Variants in PCDH15 observed in about 807,000 individuals in gnomAD.
PCDH15 encodes protocadherin related 15.
A neutral mutation model predicts 178.5 loss-of-function variants in PCDH15; 129 were observed. The observed-to-expected ratio is 0.72, with a 90% CI of 0.63 to 0.84. PCDH15 has a LOEUF of 0.84. Ranked by LOEUF, PCDH15 falls within the 40% of genes least tolerant of loss-of-function variation. The pLI is 0.00. For missense variants in PCDH15, 2,230 were observed against 2,099.9 expected (o/e 1.06, Z -1.21); for synonymous variants, 800 against 732.0 (o/e 1.09, Z -1.50).
At chr10:54,097,649 T>A (rs1420800178) in intron 15 of PCDH15, among the ~76,000 whole-genome samples, 1 of 152,204 alleles carries the variant, frequency 6.6e-6, no homozygotes, top group Non-Finnish European at 1.5e-5. Context: ...TACTATTATA[T>A]CCTAGCATTT....
intron 1 of PCDH15, among the ~76,000 whole-genome samples, chr10:54,774,007 CTTTTTTTTTTTTTTTTTTTTTTTTTTTT>C (rs763704132): frequency 1.3e-5 from 1 of 75,378 alleles, no homozygotes; most frequent in African/African-American, 4.6e-5. Context: ...ACTTCATAGG[CTTTTTTTTTTTTTTTTTTTTTTTTTTTT>C]TTTTTTTTTT....
chr10:53,855,920 A>ATATATATGTGTG (rs1201156130), intron 28 of PCDH15, among the ~76,000 whole-genome samples: 1 of 140,414 alleles, frequency 7.1e-6, no homozygotes, highest in East Asian at 3.2e-4. Flanking sequence ...ATATATATAT[A>ATATATATGTGTG]TGTATGTGTG....
intron 2 of PCDH15, among the ~76,000 whole-genome samples, chr10:55,558,584 C>A (rs1170185537): frequency 6.6e-6 from 1 of 152,008 alleles, no homozygotes; most frequent in African/African-American, 2.4e-5. Context: ...ATGTATAATG[C>A]CTATGCATAC....
At chr10:54,779,005 G>A (rs1949992616) in intron 1 of PCDH15, among the ~76,000 whole-genome samples, 1 of 152,010 alleles carries the variant, frequency 6.6e-6, no homozygotes, top group South Asian at 2.1e-4. Context: ...GCTCGTGTGT[G>A]AAGGGATTTC....
At chr10:54,498,422 A>C (rs1303069965) in intron 3 of PCDH15, among the ~76,000 whole-genome samples, 1 of 152,170 alleles carries the variant, frequency 6.6e-6, no homozygotes, top group Non-Finnish European at 1.5e-5. Flanking sequence ...AACAGCTAAC[A>C]ACACTGTGAT....
intron 2 of PCDH15, among the ~76,000 whole-genome samples, chr10:55,027,988 C>A (rs1371704924): frequency 6.6e-6 from 1 of 150,808 alleles, no homozygotes; most frequent in African/African-American, 2.4e-5. Context: ...ATCTTACATG[C>A]AACCACAAAA....
intron 2 of PCDH15, among the ~76,000 whole-genome samples, chr10:55,608,757 A>G (rs906213776): frequency 6.6e-6 from 1 of 151,950 alleles, no homozygotes; most frequent in African/African-American, 2.4e-5. Context: ...AAGAAGTGTA[A>G]CTATGTATGA....
intron 3 of PCDH15, among the ~76,000 whole-genome samples, chr10:54,489,141 A>C (rs1442189765): frequency 6.6e-6 from 1 of 152,044 alleles, no homozygotes; most frequent in South Asian, 2.1e-4. Context: ...CTAAGATACC[A>C]TTAAATTGGG....
intron 2 of PCDH15, among the ~76,000 whole-genome samples, chr10:55,052,024 A>C (rs575183207): frequency 6.6e-6 from 1 of 152,244 alleles, no homozygotes; most frequent in Admixed American, 6.5e-5. Flanking sequence ...AAGAATTTGT[A>C]AAAAATAAAA....
intron 2 of PCDH15, among the ~76,000 whole-genome samples, chr10:54,940,780 C>T (rs1838040971): frequency 6.7e-6 from 1 of 148,436 alleles, no homozygotes; most frequent in South Asian, 2.1e-4. Context: ...AGAAAGTTTT[C>T]ATCTTTATCT....
At chr10:54,320,485 T>C (rs1327918846) in intron 7 of PCDH15, among the ~76,000 whole-genome samples, 1 of 152,072 alleles carries the variant, frequency 6.6e-6, no homozygotes, top group Non-Finnish European at 1.5e-5. Context: ...ATAATTTTGG[T>C]GGTTCACAAA....
At chr10:54,400,525 A>G (rs750006789) in intron 3 of PCDH15, among the ~76,000 whole-genome samples, 3 of 152,066 alleles carry the variant, frequency 2.0e-5, no homozygotes, top group African/African-American at 7.2e-5. Flanking sequence ...TATAAAAGTC[A>G]TCTGTCATTA....
chr10:53,983,358 G>C (rs1203609395), intron 21 of PCDH15, among the ~76,000 whole-genome samples: 1 of 138,114 alleles, frequency 7.2e-6, no homozygotes, highest in Non-Finnish European at 1.5e-5. Context: ...GGACAAAAGA[G>C]AAAGAAAAAA....
At chr10:55,242,737 G>A (rs2132214044) in intron 1 of PCDH15, among the ~76,000 whole-genome samples, 1 of 152,196 alleles carries the variant, frequency 6.6e-6, no homozygotes, top group African/African-American at 2.4e-5. Flanking sequence ...TGTAGTCCCA[G>A]CTACCCTGGG....
At chr10:55,129,268 G>C (rs1424434409) in intron 2 of PCDH15, among the ~76,000 whole-genome samples, 1 of 152,110 alleles carries the variant, frequency 6.6e-6, no homozygotes, top group Non-Finnish European at 1.5e-5. Context: ...AGAAACTCAT[G>C]AGCAATTGTC....
chr10:55,333,383 G>A lies in PCDH15; in HGVS notation c.-155-166732C>T, dbSNP rs1293588548. ...ACAAATCATCTTTTTTTTGGTTGTT[G>A]TTGTTTGTTTCAATAAGAATTTCAA... On this transcript the variant is annotated intron_variant, in intron 2 of 5. Transcript: ENST00000613346. Among the ~76,000 whole-genome samples the A allele has an allele frequency of 2.7e-5, 4 of 147,770 alleles. No individual in the cohort carries two copies. In the East Asian group the frequency reaches 5.9e-4, roughly 22 times the overall value.
At chr10:54,253,859 A>G (rs1413190575) in intron 8 of PCDH15, among the ~76,000 whole-genome samples, 1 of 152,066 alleles carries the variant, frequency 6.6e-6, no homozygotes, top group East Asian at 1.9e-4. Flanking sequence ...TTTTTAATTT[A>G]ATAGAACACA....
chr10:54,544,756 T>C (rs916846484), intron 2 of PCDH15, among the ~76,000 whole-genome samples: 1 of 152,146 alleles, frequency 6.6e-6, no homozygotes, highest in Admixed American at 6.5e-5. Context: ...TTCTCTACTA[T>C]GTTCAAAAAG....
intron 26 of PCDH15, among the ~76,000 whole-genome samples, chr10:53,874,450 G>A (rs114761139): frequency 1.3e-3 from 191 of 152,170 alleles, no homozygotes; most frequent in African/African-American, 3.6e-3. Flanking sequence ...ATTATTTGCC[G>A]GCCACCAGTT....
Sources: gnomAD v4.1 joint callset for allele counts (sites outside exome capture counted in the v4.1 genomes callset) on GRCh38, gnomAD v4.1.1 for gene constraint, MANE v1.5 for transcripts, NCBI Gene and HGNC (gene_info 2026-07-23, HGNC 2026-07-21) for gene names.